AUTS2: variants seen among roughly 807,000 people sequenced by gnomAD.
AUTS2 encodes autism susceptibility gene 2 protein.
In AUTS2, 17 loss-of-function variants were observed where a neutral mutation model predicts 112.4. That is an observed-to-expected ratio of 0.15 (90% CI 0.10 to 0.23). The LOEUF (loss-of-function observed/expected upper bound fraction) is 0.23, where lower values mean the gene tolerates loss of function less well. AUTS2 is among the 10% of genes least tolerant of loss of function. The probability of loss-of-function intolerance (pLI) is 1.00; values close to 1 mark genes in which losing one functional copy is unlikely to be tolerated. For synonymous variants in AUTS2, 751 were observed against 702.7 expected, an observed-to-expected ratio of 1.07 and a Z score of -1.09; for missense variants, 1,510 against 1,701.6, an observed-to-expected ratio of 0.89 and a Z score of 1.98.
intron 8 of AUTS2, among the ~76,000 whole-genome samples, 157 bp from the exon 9 acceptor site, chr7:70,765,957 G>A (rs1017322161): frequency 6.6e-6 from 1 of 152,096 alleles, no homozygotes; most frequent in South Asian, 2.1e-4. Flanking sequence ...CCTTGGTCTC[G>A]TCTGCTTCAT....
chr7:69,616,743 G>T (rs1562761787), intron 1 of AUTS2, among the ~76,000 whole-genome samples: 1 of 152,190 alleles, frequency 6.6e-6, no homozygotes, highest in African/African-American at 2.4e-5. Context: ...GGACTTTGGA[G>T]ATCCTCATGG....
At chr7:70,148,076 T>C (rs1287906239) in intron 4 of AUTS2, among the ~76,000 whole-genome samples, 1 of 152,062 alleles carries the variant, frequency 6.6e-6, no homozygotes, top group Admixed American at 6.6e-5. Flanking sequence ...TCCCTGTAAG[T>C]GTTTAATCAT....
At chr7:70,668,125 G>A (rs1807442049) in intron 5 of AUTS2, among the ~76,000 whole-genome samples, 1 of 152,192 alleles carries the variant, frequency 6.6e-6, no homozygotes, top group African/African-American at 2.4e-5. Context: ...GACTTTAGGT[G>A]TGTGCCACCA....
At chr7:70,598,780 T>C (rs1395118066) in intron 5 of AUTS2, among the ~76,000 whole-genome samples, 2 of 152,206 alleles carry the variant, frequency 1.3e-5, no homozygotes, top group Non-Finnish European at 2.9e-5. Context: ...CTTTTTTTTC[T>C]TTTTGTAACC....
chr7:70,087,803 T>G (rs1350502037), intron 2 of AUTS2, among the ~76,000 whole-genome samples: 2 of 152,194 alleles, frequency 1.3e-5, no homozygotes, highest in Non-Finnish European at 2.9e-5. Context: ...ATTGTTTCCT[T>G]AAATGTTTGG....
At chr7:70,235,482 A>G (rs1208859034) in intron 4 of AUTS2, among the ~76,000 whole-genome samples, 12 of 152,134 alleles carry the variant, frequency 7.9e-5, no homozygotes. Flanking sequence ...TTGTGTCACC[A>G]GCCGGGAGGG....
rs1261471871 is a variant in AUTS2, at chr7:70,123,032, C to T, written c.624+4799C>T. On this transcript the variant is annotated intron_variant, in intron 3 of 18. Transcript: ENST00000342771. Reference sequence around the variant, plus strand: ...CTGGGATTACAGGCGCTTGCCACCACGCCCAGCTAATTTTTCATATTTTTA... The same window carrying T: ...CTGGGATTACAGGCGCTTGCCACCATGCCCAGCTAATTTTTCATATTTTTA... 4.6e-5 allele frequency among the ~76,000 whole-genome samples: 7 copies of T among 152,132 alleles called. No individual in the cohort carries two copies. In the South Asian group the frequency reaches 8.3e-4, roughly 18 times the overall value.
chr7:70,714,212 T>G lies in AUTS2; in HGVS notation c.742+15592T>G, dbSNP rs531613342. Among the ~76,000 whole-genome samples the G allele has an allele frequency of 3.3e-5, 5 of 152,334 alleles. No homozygotes were observed. In the South Asian group the frequency reaches 1.0e-3, roughly 32 times the overall value. On this transcript the variant is annotated intron_variant, in intron 6 of 18. Transcript: ENST00000342771. The stretch of plus-strand genomic sequence containing the variant: ...TTTACAAAATGAAAATTTTCAACTC[T>G]AATTCAATATAGAAAATGTAGAAAT...
chr7:70,026,977 A>ATTT (rs72301604), intron 2 of AUTS2, among the ~76,000 whole-genome samples: 32 of 147,484 alleles, frequency 2.2e-4, no homozygotes, highest in African/African-American at 7.2e-4. Flanking sequence ...GTGCAAAATC[A>ATTT]TTTTTTTTTT....
At chr7:70,638,268 T>A (rs1036969437) in intron 5 of AUTS2, among the ~76,000 whole-genome samples, 2 of 151,950 alleles carry the variant, frequency 1.3e-5, no homozygotes, top group African/African-American at 4.8e-5. Flanking sequence ...TTTGGACGAG[T>A]CCCGCCATAA....
chr7:69,905,585 G>A (rs922133075), intron 2 of AUTS2, among the ~76,000 whole-genome samples: 3 of 152,062 alleles, frequency 2.0e-5, no homozygotes, highest in Admixed American at 6.5e-5. Flanking sequence ...AGACCATTTC[G>A]CCTTTCCTCT....
intron 2 of AUTS2, among the ~76,000 whole-genome samples, chr7:69,994,585 A>G (rs1798867269): frequency 6.6e-6 from 1 of 152,324 alleles, no homozygotes; most frequent in African/African-American, 2.4e-5. Context: ...TTCTTTGTTC[A>G]ACATACACTT....
chr7:69,916,097 G>A (rs1241102643), intron 2 of AUTS2, among the ~76,000 whole-genome samples: 1 of 152,196 alleles, frequency 6.6e-6, no homozygotes, highest in Non-Finnish European at 1.5e-5. Context: ...GATCTCAGGA[G>A]TAGATTATAG....
At chr7:70,778,122 C>A (rs1031841918) in intron 14 of AUTS2, among the ~76,000 whole-genome samples, 2 of 152,156 alleles carry the variant, frequency 1.3e-5, no homozygotes, top group Non-Finnish European at 2.9e-5. Context: ...ATTCCATGTT[C>A]TGCTAGAGCC....
intron 1 of AUTS2, among the ~76,000 whole-genome samples, chr7:69,671,320 C>T (rs545070427): frequency 2.6e-5 from 4 of 152,252 alleles, no homozygotes; most frequent in Non-Finnish European, 4.4e-5. Context: ...AAATCTGTTC[C>T]GTCTTCTGTA....
At chr7:69,975,456 T>C (rs1181098639) in intron 2 of AUTS2, among the ~76,000 whole-genome samples, 2 of 152,166 alleles carry the variant, frequency 1.3e-5, no homozygotes, top group Non-Finnish European at 2.9e-5. Flanking sequence ...CTATTTTCCT[T>C]TTCCTCTCTC....
intron 1 of AUTS2, among the ~76,000 whole-genome samples, chr7:69,743,797 G>T (rs575781775): frequency 6.6e-6 from 1 of 152,088 alleles, no homozygotes; most frequent in South Asian, 2.1e-4. Context: ...CTACCTACCT[G>T]CATAGTACCT....
intron 4 of AUTS2, among the ~76,000 whole-genome samples, chr7:70,396,442 T>A (rs1413637981): frequency 1.3e-5 from 2 of 151,890 alleles, no homozygotes; most frequent in African/African-American, 2.4e-5. Context: ...AGTGGCACGA[T>A]CTCAGCTCAC....
At chr7:70,598,778 T>G (rs1010869291) in intron 5 of AUTS2, among the ~76,000 whole-genome samples, 5 of 152,230 alleles carry the variant, frequency 3.3e-5, no homozygotes, top group Admixed American at 1.3e-4. Context: ...CCCTTTTTTT[T>G]CTTTTTGTAA....
Sources: gnomAD v4.1 joint callset for allele counts (sites outside exome capture counted in the v4.1 genomes callset) on GRCh38, gnomAD v4.1.1 for gene constraint, MANE v1.5 for transcripts, NCBI Gene and HGNC (gene_info 2026-07-23, HGNC 2026-07-21) for gene names.